Variants in HERC4 observed in about 807,000 individuals in gnomAD.
The protein encoded by HERC4 is probable E3 ubiquitin-protein ligase HERC4.
A neutral mutation model predicts 124.3 loss-of-function variants in HERC4; 28 were observed. The observed-to-expected ratio is 0.23, with a 90% CI of 0.17 to 0.31. HERC4 has a LOEUF of 0.31. Among genes scored for constraint, HERC4 ranks in the 10% least tolerant of loss-of-function variants. The pLI, the probability that HERC4 is intolerant of heterozygous loss-of-function variation, is 1.00. For missense variants in HERC4, 713 were observed against 1,229.3 expected (o/e 0.58, Z 6.28); for synonymous variants, 407 against 421.5 (o/e 0.97, Z 0.42).
chr10:68,044,548 A>G lies in HERC4; in HGVS notation c.242T>C (p.Leu81Pro), dbSNP rs1338592122. ...SRKKPEQVVA[L>P]DAQNIVAVSC... The stretch of plus-strand genomic sequence containing the variant: ...AACAGCTACAATATTTTGGGCATCC[A>G]GGGCAACAACCTGCTCTACAGAAAT... Residue 81 changes from leucine (L) to proline (P), a missense_variant, in exon 4 of 25, where the codon CTG becomes CCG. Coordinates refer to ENST00000373700, the MANE Select transcript of HERC4 (RefSeq NM_015601.4). The G allele has an allele frequency of 6.2e-7, 1 of 1,613,980 alleles. No homozygotes were observed. The highest frequency in any genetic ancestry group is 1.7e-5 in the Admixed American group (1 of 59,962).
At chr10:68,015,413 G>A (rs2038202779) in intron 8 of HERC4, among the ~76,000 whole-genome samples, 1 of 152,186 alleles carries the variant, frequency 6.6e-6, no homozygotes. Context: ...AATTATTTTA[G>A]GTCACTAGGT....
intron 9 of HERC4, among the ~76,000 whole-genome samples, chr10:68,001,972 G>C (rs906299081): frequency 6.6e-6 from 1 of 152,056 alleles, no homozygotes; most frequent in Non-Finnish European, 1.5e-5. Flanking sequence ...GACGTGGGTT[G>C]TTTCCACCTT....
intron 15 of HERC4, among the ~76,000 whole-genome samples, chr10:67,978,118 A>G (rs752531937): frequency 1.3e-5 from 2 of 152,084 alleles, no homozygotes; most frequent in Non-Finnish European, 2.9e-5. Context: ...TCTACTAAAA[A>G]TACAAAAATT....
At chr10:68,039,392 C>T in intron 4 of HERC4, 1 of 1,548,310 alleles carries the variant, frequency 6.5e-7, no homozygotes. Flanking sequence ...TTCTTATTTC[C>T]CTTTACCTGA....
Position 68,034,164 on chromosome 10 carries a change from T to C in HERC4, c.486A>G (p.Gly162=). 3 of 1,613,858 alleles carry C rather than the reference T, an allele frequency of 1.9e-6. No homozygotes were observed. Among genetic ancestry groups the C allele is most frequent in the South Asian group, 2.2e-5 (2 of 91,076 alleles). Residue 162 remains glycine, a synonymous_variant, in exon 6 of 25, where the codon GGA becomes GGG. Coordinates refer to ENST00000373700, the MANE Select transcript of HERC4 (RefSeq NM_015601.4). ...AACCCAATTGGCCATATTTATTCTG[T>C]CCCCAACAGAAGACTTCACTTGCTG... is the stretch of plus-strand genomic sequence containing the variant. ...LSKASEVFCW[G]QNKYGQLGLG...
chr10:68,028,449 G>A (rs1418745587), intron 7 of HERC4, among the ~76,000 whole-genome samples: 1 of 152,104 alleles, frequency 6.6e-6, no homozygotes, highest in African/African-American at 2.4e-5. Flanking sequence ...TGAGAGCACC[G>A]TAGTAATCTT....
chr10:67,972,327 G>A (rs1439159533), intron 15 of HERC4, among the ~76,000 whole-genome samples: 1 of 150,404 alleles, frequency 6.6e-6, no homozygotes, highest in African/African-American at 2.4e-5. Flanking sequence ...TTCAAGACCA[G>A]CCTGACCAAC....
chr10:68,028,876 A>T (rs1269436257), intron 7 of HERC4, among the ~76,000 whole-genome samples: 1 of 152,152 alleles, frequency 6.6e-6, no homozygotes, highest in Admixed American at 6.6e-5. Flanking sequence ...CTATTAGCAA[A>T]TTTACTTCTA....
intron 8 of HERC4, among the ~76,000 whole-genome samples, chr10:68,015,961 G>C (rs1156440662): frequency 6.6e-6 from 1 of 152,054 alleles, no homozygotes; most frequent in Non-Finnish European, 1.5e-5. Flanking sequence ...AAATTAGCTG[G>C]GCACGGTGGC....
chr10:67,962,751 T>G (rs2034603640), intron 16 of HERC4, among the ~76,000 whole-genome samples: 1 of 152,100 alleles, frequency 6.6e-6, no homozygotes, highest in African/African-American at 2.4e-5. Context: ...AAACTGAGAA[T>G]AGTACCTAGA....
chr10:68,007,758 G>A (rs2037664169), intron 9 of HERC4: 1 of 151,642 alleles, frequency 6.6e-6, no homozygotes, highest in Non-Finnish European at 1.5e-5. Flanking sequence ...CTGGAGTGCA[G>A]TGGCTATTCA....
chr10:67,930,357 G>C (rs1052277552), intron 23 of HERC4, among the ~76,000 whole-genome samples: 9 of 152,154 alleles, frequency 5.9e-5, no homozygotes, highest in Non-Finnish European at 1.0e-4. Context: ...ACCATCTCCA[G>C]AATTCATTTC....
At chr10:68,028,526 C>T (rs376158813) in intron 7 of HERC4, among the ~76,000 whole-genome samples, 21 of 152,302 alleles carry the variant, frequency 1.4e-4, no homozygotes, top group African/African-American at 4.8e-4. Flanking sequence ...GACATGGGAT[C>T]AGACTCTTCT....
intron 19 of HERC4, among the ~76,000 whole-genome samples, chr10:67,944,799 TGACATGCTGAAGAATAA>T (rs1489347238): frequency 1.3e-5 from 2 of 152,138 alleles, no homozygotes; most frequent in Admixed American, 1.3e-4. Flanking sequence ...AAAATGCAAC[TGACATGCTGAAGAATAA>T]TGCATCAGTG....
At chr10:67,972,766 G>C (rs2132525079) in intron 15 of HERC4, among the ~76,000 whole-genome samples, 1 of 152,206 alleles carries the variant, frequency 6.6e-6, no homozygotes, top group East Asian at 1.9e-4. Flanking sequence ...TCAGAAAGGA[G>C]AGTAGCAAGA....
chr10:68,018,112 A>T (rs2038377171), intron 8 of HERC4, among the ~76,000 whole-genome samples: 1 of 152,150 alleles, frequency 6.6e-6, no homozygotes. Flanking sequence ...TTCACTGATA[A>T]ACAGAAATAT....
chr10:68,001,469 C>G (rs2037228157), intron 9 of HERC4, among the ~76,000 whole-genome samples: 1 of 152,042 alleles, frequency 6.6e-6, no homozygotes, highest in African/African-American at 2.4e-5. Context: ...ATGGGTTTAA[C>G]CTCTGGATGG....
chr10:68,023,584 G>C (rs562984084), intron 8 of HERC4, among the ~76,000 whole-genome samples: 1 of 152,222 alleles, frequency 6.6e-6, no homozygotes, highest in South Asian at 2.1e-4. Context: ...AATGGGTATA[G>C]AGCTTCAGTT....
chr10:67,968,931 T>C lies in HERC4; in HGVS notation c.1807-2129A>G, dbSNP rs1230959933. On this transcript the variant is annotated intron_variant, in intron 15 of 24. Coordinates refer to ENST00000373700, the MANE Select transcript of HERC4 (RefSeq NM_015601.4). Reference sequence around the variant, plus strand: ...GATCTGAATAACAATTTAAACCAACTTGCACTCACTGTCATAACACTTCAC... The same window carrying C: ...GATCTGAATAACAATTTAAACCAACCTGCACTCACTGTCATAACACTTCAC... 3.3e-5 allele frequency among the ~76,000 whole-genome samples: 5 copies of C among 152,100 alleles called. 1 individual carries two copies. Among genetic ancestry groups the C allele is most frequent in the African/African-American group, 1.2e-4 (5 of 41,424 alleles).
Sources: gnomAD v4.1 joint callset for allele counts (sites outside exome capture counted in the v4.1 genomes callset) on GRCh38, gnomAD v4.1.1 for gene constraint, MANE v1.5 for transcripts, NCBI Gene and HGNC (gene_info 2026-07-23, HGNC 2026-07-21) for gene names.